The following MIA3 variants were observed in gnomAD, a reference collection of about 807,000 sequenced individuals.
The protein encoded by MIA3 is transport and Golgi organization protein 1 homolog.
Under a neutral mutation model 192.4 loss-of-function variants are expected in MIA3, and 90 were observed. The ratio of observed to expected loss-of-function variants is 0.47; its 90% CI spans 0.39 to 0.56. The LOEUF is 0.56. Among genes scored for constraint, MIA3 ranks in the 20% least tolerant of loss-of-function variants. MIA3 has a pLI of 0.00. For missense variants in MIA3, 2,123 were observed against 2,269.4 expected (o/e 0.94, Z 1.31); for synonymous variants, 740 against 792.8 (o/e 0.93, Z 1.12).
chr1:222,629,571 T>C lies in MIA3; in HGVS notation c.2351T>C (p.Met784Thr), dbSNP rs1297839892. 1 of 1,613,974 alleles carries C rather than the reference T, an allele frequency of 6.2e-7. No homozygotes were observed. Residue 784 changes from methionine (M) to threonine (T), a missense_variant, in exon 4 of 28, where the codon ATG becomes ACG. Physicochemically the swap from Met to Thr is moderately conservative, Grantham distance 81. Around this residue, in one of 3 missense-constraint regions of MIA3, gnomAD observed 1,357 missense variants for 1,396.1 expected, o/e 0.97. Transcript: ENST00000344922. ...EIEESKQETSMILDSEKTSET... is the reference protein window; with the variant it reads ...EIEESKQETSTILDSEKTSET... ...GAAGAAAGCAAGCAAGAAACTAGTATGATTTTGGATAGCGAAAAAACAAGT... is the reference window on the plus strand; with the variant it reads ...GAAGAAAGCAAGCAAGAAACTAGTACGATTTTGGATAGCGAAAAAACAAGT...
At position 222,628,849 on chromosome 1, in the gene MIA3, A is replaced by G; in HGVS notation, c.1629A>G (p.Glu543=). Residue 543 remains glutamate (E), a synonymous_variant, in exon 4 of 28, where the codon GAA becomes GAG. Coordinates refer to ENST00000344922, the MANE Select transcript of MIA3 (RefSeq NM_198551.4). ...IHISKGMLHE[E]KPGEQILEGG... is the part of the protein sequence containing the mutation. Reference sequence around the variant, plus strand: ...TCTCAAAAGGAATGCTCCACGAAGAAAAGCCTGGAGAGCAGATTTTGGAAG... The same window carrying G: ...TCTCAAAAGGAATGCTCCACGAAGAGAAGCCTGGAGAGCAGATTTTGGAAG... The G allele has an allele frequency of 2.5e-6, 4 of 1,614,168 alleles. No individual in the cohort carries two copies. The highest frequency in any genetic ancestry group is 1.7e-6 in the Non-Finnish European group (2 of 1,180,036).
At chr1:222,647,914 A>G (rs1302878926) in intron 7 of MIA3, 2 of 383,566 alleles carry the variant, frequency 5.2e-6, no homozygotes, top group Admixed American at 5.4e-5. Context: ...TATTATGTAT[A>G]CAGTATATTA....
Position 222,619,993 on chromosome 1 carries a change from C to T in MIA3, c.134-1166C>T, listed in dbSNP as rs1661785651. ...TAAGGGGGAGCAAAAGAAACATTGC[C>T]ATTTTCAATTCTGATCTTATTCCCA... On this transcript the variant is annotated intron_variant, in intron 1 of 27. Transcript: ENST00000344922. 4.6e-5 allele frequency among the ~76,000 whole-genome samples: 7 copies of T among 152,252 alleles called. No individual in the cohort carries two copies. In the South Asian group the frequency reaches 1.5e-3, roughly 32 times the overall value.
At chr1:222,644,214 C>T (rs1405591205) in intron 6 of MIA3, 3 of 1,083,962 alleles carry the variant, frequency 2.8e-6, no homozygotes, top group East Asian at 3.8e-5. Flanking sequence ...CTCTCCCGTC[C>T]CCTCGATAGT....
chr1:222,644,670 C>T, intron 6 of MIA3: 1 of 1,419,430 alleles, frequency 7.0e-7, no homozygotes, highest in Non-Finnish European at 9.7e-7. Context: ...CACTGATTGT[C>T]TGTGCAAAGG....
Position 222,624,797 on chromosome 1 carries a change from A to G in MIA3, c.297A>G (p.Lys99=). The G allele has an allele frequency of 1.9e-6, 3 of 1,598,710 alleles. No individual in the cohort carries two copies. The highest frequency in any genetic ancestry group is 2.6e-6 in the Non-Finnish European group (3 of 1,166,934). ...SVGRTFGYFP[K]DLIQVVHEYT... The stretch of plus-strand genomic sequence containing the variant: ...GACGCACTTTTGGATATTTTCCAAA[A>G]GATTTAATCCAGGTAGTTCATGAAT... Residue 99 remains lysine (K), a synonymous_variant, in exon 3 of 28, where the codon AAA becomes AAG. Transcript: ENST00000344922.
intron 6 of MIA3, among the ~76,000 whole-genome samples, chr1:222,640,610 A>G (rs1346358745): frequency 1.3e-5 from 2 of 152,204 alleles, no homozygotes; most frequent in Admixed American, 1.3e-4. Flanking sequence ...AAATTAACTC[A>G]AAGCAGATAA....
In MIA3 at chr1:222,618,237, T is replaced by C; in HGVS notation, c.127T>C (p.Cys43Arg). 6.8e-7 allele frequency: 1 copy of C among 1,474,012 alleles called. No individual in the cohort carries two copies. The highest frequency in any genetic ancestry group is 9.0e-7 in the Non-Finnish European group (1 of 1,105,860). 91.3% of individuals were successfully genotyped at this position (1,474,012 alleles called of 1,614,324 possible). The change falls in exon 1 of 28, where the codon TGC becomes CGC. Residue 43 changes from cysteine (C) to arginine (R), a missense_variant. Transcript: ENST00000344922. ...SEHKLCADDE[C>R]SMLMYRGEAL... ...GCACAAACTCTGCGCGGACGACGAA[T>C]GCAGCAGTGAGTGCGCTGGAGGGGC...
Position 222,621,245 on chromosome 1 carries a change from G to A in MIA3, c.220G>A (p.Val74Ile). The A allele has an allele frequency of 1.2e-6, 2 of 1,613,412 alleles. No individual in the cohort carries two copies. The highest frequency in any genetic ancestry group is 1.7e-6 in the Non-Finnish European group (2 of 1,179,744). Residue 74 changes from valine to isoleucine, a missense_variant, in exon 2 of 28, where the codon GTT (valine) becomes ATT (isoleucine). By Grantham distance (29) the Val-to-Ile change is conservative. Coordinates refer to ENST00000344922, the MANE Select transcript of MIA3 (RefSeq NM_198551.4). Reference protein sequence around the residue: ...VNFKKGDPVYVYYKLARGWPE... With the variant: ...VNFKKGDPVYIYYKLARGWPE... Reference sequence around the variant, plus strand: ...TTTTAAAAAAGGTGATCCTGTATATGTTTACTATAAACTGGCAAGAGGATG... The same window carrying A: ...TTTTAAAAAAGGTGATCCTGTATATATTTACTATAAACTGGCAAGAGGATG...
chr1:222,662,224 G>T, intron 25 of MIA3, 29 bp from the exon 26 acceptor site: 2 of 1,606,254 alleles, frequency 1.2e-6, no homozygotes, highest in Non-Finnish European at 1.7e-6. Context: ...GTCAGAATAA[G>T]TCTACATCAG....
chr1:222,632,309 A>G lies in MIA3; in HGVS notation c.3314A>G (p.Glu1105Gly), dbSNP rs762955277. The change falls in exon 5 of 28, where the codon GAG becomes GGG. Residue 1105 changes from glutamate (E) to glycine (G), a missense_variant. Around this residue, in one of 3 missense-constraint regions of MIA3, gnomAD observed 1,357 missense variants for 1,396.1 expected, o/e 0.97. Coordinates refer to ENST00000344922, the MANE Select transcript of MIA3 (RefSeq NM_198551.4). ...ASEVSQKPNT[E>G]KDLDPGPVTT... ...GAAGTGTCACAGAAGCCAAATACTG[A>G]GAAAGACCTGGACCCAGGTAAAGCC... The G allele has an allele frequency of 6.2e-7, 1 of 1,613,738 alleles. No individual in the cohort carries two copies.
Position 222,665,675 on chromosome 1 carries a change from C to A in MIA3, c.*56C>A. 1 of 1,348,128 alleles carries A rather than the reference C, an allele frequency of 7.4e-7. No individual in the cohort carries two copies. Among genetic ancestry groups the A allele is most frequent in the Non-Finnish European group, 9.8e-7 (1 of 1,017,176 alleles). The allele number at this position is 1,348,128 out of a possible 1,614,324, so 83.5% of individuals were successfully genotyped here. Reference sequence around the variant, plus strand: ...AAAGTGTACTGTGCATTATCCATTACAGTAAAGGATTTCATTGGCTTCAAA... The same window carrying A: ...AAAGTGTACTGTGCATTATCCATTAAAGTAAAGGATTTCATTGGCTTCAAA... On this transcript the variant is annotated 3_prime_UTR_variant, in exon 28 of 28. Coordinates refer to ENST00000344922, the MANE Select transcript of MIA3 (RefSeq NM_198551.4).
intron 6 of MIA3, chr1:222,644,640 A>T (rs984696981): frequency 9.1e-5 from 140 of 1,533,958 alleles, no homozygotes; most frequent in South Asian, 5.6e-4. Context: ...CGGGTGGATG[A>T]GTTCTAAGCA....
rs1661690412 is a variant in MIA3 at position 222,618,184 on chromosome 1, A to T, written c.74A>T (p.Asp25Val). 1.3e-6 allele frequency: 2 copies of T among 1,498,476 alleles called. No individual in the cohort carries two copies. Among genetic ancestry groups the T allele is most frequent in the African/African-American group, 1.5e-5 (1 of 68,124 alleles). 92.8% of individuals were successfully genotyped at this position (1,498,476 alleles called of 1,614,324 possible). ...RLPWRVPGQL[D>V]PSTGRRFSEH... is the part of the protein sequence containing the mutation. ...CCCTGGCGGGTGCCGGGCCAGCTGGACCCCAGCACTGGCCGGCGGTTCTCG... is the reference window on the plus strand; with the variant it reads ...CCCTGGCGGGTGCCGGGCCAGCTGGTCCCCAGCACTGGCCGGCGGTTCTCG... The change falls in exon 1 of 28, where the codon GAC becomes GTC. Residue 25 changes from aspartate to valine, a missense_variant. By Grantham distance (152) the Asp-to-Val change is radical. Coordinates refer to ENST00000344922, the MANE Select transcript of MIA3 (RefSeq NM_198551.4).
intron 15 of MIA3, 54 bp from the exon 16 acceptor site, chr1:222,654,189 G>A: frequency 6.5e-7 from 1 of 1,541,216 alleles, no homozygotes; most frequent in Non-Finnish European, 8.9e-7. Context: ...AGAAAATATA[G>A]ATTTAAAAAG....
chr1:222,657,484 T>A (rs1204819209), intron 18 of MIA3, among the ~76,000 whole-genome samples: 1 of 152,262 alleles, frequency 6.6e-6, no homozygotes, highest in African/African-American at 2.4e-5. Flanking sequence ...TCTGTGTTTT[T>A]TCCTACTGGA....
intron 7 of MIA3, among the ~76,000 whole-genome samples, chr1:222,647,658 A>C (rs1042312336): frequency 6.6e-6 from 1 of 152,172 alleles, no homozygotes; most frequent in Non-Finnish European, 1.5e-5. Context: ...TTAATAAAAA[A>C]ATTCTAACGC....
intron 6 of MIA3, among the ~76,000 whole-genome samples, chr1:222,639,061 G>A (rs768010654): frequency 3.3e-5 from 5 of 152,132 alleles, no homozygotes; most frequent in Non-Finnish European, 5.9e-5. Context: ...ACCAATAGCA[G>A]CAATCAGAGA....
intron 6 of MIA3, among the ~76,000 whole-genome samples, chr1:222,645,197 C>T (rs1479812001): frequency 6.6e-6 from 1 of 152,084 alleles, no homozygotes. Context: ...GGTTTTTTGT[C>T]TTATGTGGTT....
Sources: allele counts gnomAD v4.1 joint callset (sites outside exome capture counted in the v4.1 genomes callset), GRCh38; gene constraint gnomAD v4.1.1; regional missense constraint gnomAD v4.1.1; transcripts MANE v1.5; gene names NCBI Gene and HGNC (gene_info 2026-07-23, HGNC 2026-07-21).